Variants in LRRC7 observed in about 807,000 individuals in gnomAD.
LRRC7 encodes leucine-rich repeat-containing protein 7.
In LRRC7, 23 loss-of-function variants were observed where a neutral mutation model predicts 175.7. That is an observed-to-expected ratio of 0.13 (90% CI 0.09 to 0.19). The LOEUF (loss-of-function observed/expected upper bound fraction) is 0.19, where lower values mean the gene tolerates loss of function less well. LRRC7 is among the 10% of genes least tolerant of loss of function. The pLI, the probability that LRRC7 is intolerant of heterozygous loss-of-function variation, is 1.00. For synonymous variants in LRRC7, 685 were observed against 680.9 expected (o/e 1.01, Z -0.09); for missense variants, 1,354 against 1,904.7 (o/e 0.71, Z 5.38).
At chr1:69,847,458 C>T (rs2101434222) in intron 7 of LRRC7, among the ~76,000 whole-genome samples, 1 of 152,130 alleles carries the variant, frequency 6.6e-6, no homozygotes, top group Admixed American at 6.6e-5. Context: ...TTCCAGTAGC[C>T]AATATCAAAT....
intron 4 of LRRC7, among the ~76,000 whole-genome samples, chr1:69,798,874 G>A (rs1414976530): frequency 6.6e-6 from 1 of 152,058 alleles, no homozygotes; most frequent in Non-Finnish European, 1.5e-5. Context: ...CACACACAGG[G>A]TTACTAAATA....
chr1:69,729,672 G>T (rs1667350965), intron 2 of LRRC7, among the ~76,000 whole-genome samples: 1 of 152,160 alleles, frequency 6.6e-6, no homozygotes, highest in Non-Finnish European at 1.5e-5. Context: ...CTGCTTTTAT[G>T]GGCTGGCATT....
rs1040807695 is a variant in LRRC7 at position 69,568,087 on chromosome 1, G to A, written c.-553G>A. ...ACCGCCACCGCCTCCTGCAGTTGCG[G>A]AGCGCTCAGCCCCTCCGAGACGCCC... On this transcript the variant is annotated 5_prime_UTR_variant, in exon 1 of 27. Transcript: ENST00000651989. Among the ~76,000 whole-genome samples, 2 of 152,096 alleles carry A rather than the reference G, an allele frequency of 1.3e-5. No individual in the cohort carries two copies. Among genetic ancestry groups the A allele is most frequent in the African/African-American group, 4.8e-5 (2 of 41,432 alleles).
chr1:69,859,746 T>C (rs902187442), intron 7 of LRRC7, among the ~76,000 whole-genome samples: 6 of 151,928 alleles, frequency 3.9e-5, no homozygotes, highest in African/African-American at 1.4e-4. Flanking sequence ...GAGAAAGAAA[T>C]AAGGAATTCA....
chr1:69,901,970 A>G (rs971782558), intron 7 of LRRC7, among the ~76,000 whole-genome samples: 2 of 152,126 alleles, frequency 1.3e-5, no homozygotes, highest in African/African-American at 2.4e-5. Flanking sequence ...TAATAAATTA[A>G]TATATTAATT....
rs34756242 is a variant in LRRC7 at position 69,882,010 on chromosome 1, CAA to C, written c.647+43741_647+43742del. On this transcript the variant is annotated intron_variant, in intron 7 of 26. Transcript: ENST00000651989. ...TTTAAGAGTTCATACGACTGAATAG[CAA>C]AAAAAAAAAAAAAGCAAACAAAAAA... Among the ~76,000 whole-genome samples the C allele has an allele frequency of 1.5e-3, 180 of 122,990 alleles. 2 individuals carry two copies. Among genetic ancestry groups the C allele is most frequent in the East Asian group, 5.1e-3 (23 of 4,468 alleles). 80.7% of individuals were successfully genotyped at this position (122,990 alleles called of 152,430 possible). A position where few individuals can be genotyped will look rare whatever the true frequency, so the allele number is the denominator to read the frequency against.
At chr1:69,953,660 T>C (rs929082935) in intron 8 of LRRC7, among the ~76,000 whole-genome samples, 2 of 152,050 alleles carry the variant, frequency 1.3e-5, no homozygotes, top group African/African-American at 4.8e-5. Context: ...AATAATTACA[T>C]AATATATCTG....
intron 3 of LRRC7, among the ~76,000 whole-genome samples, chr1:69,774,402 CA>C (rs1001354165): frequency 2.0e-5 from 3 of 150,632 alleles, no homozygotes; most frequent in Non-Finnish European, 3.0e-5. Flanking sequence ...ACTTCAGGAA[CA>C]AAAAAAAACT....
chr1:69,908,152 T>A (rs1239312131), intron 7 of LRRC7, among the ~76,000 whole-genome samples: 3 of 152,178 alleles, frequency 2.0e-5, no homozygotes, highest in African/African-American at 7.2e-5. Context: ...TCTTCTCTCT[T>A]TTTTTCTTTA....
intron 6 of LRRC7, among the ~76,000 whole-genome samples, chr1:69,836,645 T>C (rs1172035527): frequency 6.6e-6 from 1 of 151,932 alleles, no homozygotes. Flanking sequence ...CTGGATAGTT[T>C]AACAAGAGGA....
At chr1:69,928,248 G>C in intron 7 of LRRC7, among the ~76,000 whole-genome samples, 1 of 152,200 alleles carries the variant, frequency 6.6e-6, no homozygotes. Context: ...CTGCTCGGGG[G>C]TCAGGAGTCA....
At chr1:69,784,139 G>A (rs1030749052) in intron 3 of LRRC7, among the ~76,000 whole-genome samples, 5 of 152,094 alleles carry the variant, frequency 3.3e-5, no homozygotes, top group African/African-American at 1.2e-4. Context: ...GTTGCAGGTG[G>A]AAATATACAG....
At chr1:69,611,579 T>A (rs900276480) in intron 1 of LRRC7, among the ~76,000 whole-genome samples, 12 of 152,194 alleles carry the variant, frequency 7.9e-5, no homozygotes, top group African/African-American at 2.6e-4. Flanking sequence ...GACACTTCAC[T>A]TCATACATTT....
In LRRC7 at chr1:69,867,408, C is replaced by G. The variant is rs192173025; in HGVS notation, c.647+29125C>G. On this transcript the variant is annotated intron_variant, in intron 7 of 26. Coordinates refer to ENST00000651989, the MANE Select transcript of LRRC7 (RefSeq NM_001370785.2). ...CTGAATAACATTATACATAAGGTACCTAGTACAGAGCCATACGAAAGGATT... is the reference window on the plus strand; with the variant it reads ...CTGAATAACATTATACATAAGGTACGTAGTACAGAGCCATACGAAAGGATT... 2.8e-3 allele frequency among the ~76,000 whole-genome samples: 429 copies of G among 152,222 alleles called. 2 individuals carry two copies. The highest frequency in any genetic ancestry group is 4.4e-3 in the Non-Finnish European group (301 of 68,002).
intron 7 of LRRC7, among the ~76,000 whole-genome samples, chr1:69,857,385 C>A (rs1683782925): frequency 1.3e-5 from 2 of 152,186 alleles, no homozygotes; most frequent in Non-Finnish European, 2.9e-5. Flanking sequence ...AGCCCAAAAT[C>A]TCCTTAAGCT....
At chr1:69,735,973 AAATTT>A (rs1350939248) in intron 2 of LRRC7, among the ~76,000 whole-genome samples, 1 of 152,104 alleles carries the variant, frequency 6.6e-6, no homozygotes, top group African/African-American at 2.4e-5. Context: ...AAAACAATAG[AAATTT>A]AATTGTAAGT....
chr1:69,982,144 G>C (rs1653499944), intron 9 of LRRC7, among the ~76,000 whole-genome samples: 1 of 152,172 alleles, frequency 6.6e-6, no homozygotes, highest in African/African-American at 2.4e-5. Context: ...TTCTCAATAA[G>C]TTTGTTATTT....
At chr1:69,602,983 C>G (rs1371015336) in intron 1 of LRRC7, among the ~76,000 whole-genome samples, 2 of 152,166 alleles carry the variant, frequency 1.3e-5, no homozygotes, top group Non-Finnish European at 1.5e-5. Context: ...TGTGAGTACA[C>G]TTTACTCTGT....
At chr1:70,065,215 T>G (rs1372483708) in intron 23 of LRRC7, among the ~76,000 whole-genome samples, 1 of 151,950 alleles carries the variant, frequency 6.6e-6, no homozygotes, top group Non-Finnish European at 1.5e-5. Context: ...CGAAAAAAAC[T>G]CAGCTTTTCT....
Sources: gnomAD v4.1 joint callset for allele counts (sites outside exome capture counted in the v4.1 genomes callset) on GRCh38, gnomAD v4.1.1 for gene constraint, MANE v1.5 for transcripts, NCBI Gene and HGNC (gene_info 2026-07-23, HGNC 2026-07-21) for gene names.